Variants in KCTD5 observed in about 807,000 individuals in gnomAD.
KCTD5 encodes BTB/POZ domain-containing protein KCTD5.
A neutral mutation model predicts 27.9 loss-of-function variants in KCTD5; 12 were observed. The ratio of observed to expected loss-of-function variants is 0.43; its 90% CI spans 0.28 to 0.70. The LOEUF is 0.70. Ranked by LOEUF, KCTD5 falls within the 30% of genes least tolerant of loss-of-function variation. KCTD5 has a pLI of 0.19. For missense variants in KCTD5, 226 were observed against 274.8 expected, an observed-to-expected ratio of 0.82 and a Z score of 1.26; for synonymous variants, 147 against 121.4, an observed-to-expected ratio of 1.21 and a Z score of -1.39.
At chr16:2,705,640 T>C (rs1478673521) in intron 5 of KCTD5, among the ~76,000 whole-genome samples, 1 of 152,152 alleles carries the variant, frequency 6.6e-6, no homozygotes, top group African/African-American at 2.4e-5. Context: ...AGGCCAGCCG[T>C]GTCCTGCAAG....
chr16:2,685,904 G>A (rs1396709713), intron 1 of KCTD5: 1 of 152,188 alleles, frequency 6.6e-6, no homozygotes, highest in Non-Finnish European at 1.5e-5. Flanking sequence ...GGTCTGGAGA[G>A]GAGTTGGGTG....
At chr16:2,706,073 T>C (rs1444819683) in intron 5 of KCTD5, among the ~76,000 whole-genome samples, 5 of 152,178 alleles carry the variant, frequency 3.3e-5, no homozygotes, top group African/African-American at 1.2e-4. Context: ...AGGGACGTGC[T>C]GCCCCTCGCA....
At position 2,708,310 on chromosome 16, in the gene KCTD5, T is replaced by C. The variant is rs1049731818; in HGVS notation, c.*983T>C. On this transcript the variant is annotated 3_prime_UTR_variant, in exon 6 of 6. Coordinates refer to ENST00000301738, the MANE Select transcript of KCTD5 (RefSeq NM_018992.4). Reference sequence around the variant, plus strand: ...TTGTATAACTATGCAGCCTTCCCTCTCTTTCTGGGATGTTTGGGACTTCAC... The same window carrying C: ...TTGTATAACTATGCAGCCTTCCCTCCCTTTCTGGGATGTTTGGGACTTCAC... 26 of 152,690 alleles carry C rather than the reference T, an allele frequency of 1.7e-4. 1 individual carries two copies. The highest frequency in any genetic ancestry group is 6.5e-5 in the Admixed American group (1 of 15,288). The allele number at this position is 152,690 out of a possible 1,614,324, so 9.5% of individuals were successfully genotyped here. A position where few individuals can be genotyped will look rare whatever the true frequency, so the allele number is the denominator to read the frequency against.
At chr16:2,690,953 C>A (rs972087078) in intron 1 of KCTD5, among the ~76,000 whole-genome samples, 19 of 152,266 alleles carry the variant, frequency 1.2e-4, no homozygotes, top group African/African-American at 4.6e-4. Context: ...ACATCCCCAA[C>A]ACCAGCAGTG....
chr16:2,686,017 G>A (rs1337694316), intron 1 of KCTD5: 1 of 148,200 alleles, frequency 6.7e-6, no homozygotes, highest in Non-Finnish European at 1.5e-5. Flanking sequence ...GTAGGGAGGG[G>A]AGCTCTTGAC....
intron 1 of KCTD5, among the ~76,000 whole-genome samples, chr16:2,688,590 A>G (rs1313606931): frequency 1.4e-5 from 2 of 147,514 alleles, no homozygotes; most frequent in Non-Finnish European, 3.0e-5. Context: ...TCCCGCAGCC[A>G]CACTTAATTT....
intron 1 of KCTD5, among the ~76,000 whole-genome samples, chr16:2,691,779 C>T (rs1465393129): frequency 1.3e-5 from 2 of 152,298 alleles, no homozygotes; most frequent in East Asian, 1.9e-4. Flanking sequence ...CATCTGGACT[C>T]CTGGAAGTCT....
At chr16:2,691,288 G>A (rs1008780482) in intron 1 of KCTD5, among the ~76,000 whole-genome samples, 3 of 152,218 alleles carry the variant, frequency 2.0e-5, no homozygotes, top group African/African-American at 7.2e-5. Flanking sequence ...CTGACCTTCC[G>A]CTCTGCCCAG....
chr16:2,700,209 G>C (rs757168), intron 4 of KCTD5, among the ~76,000 whole-genome samples: 32,758 of 152,204 alleles, frequency 0.22, 4,677 homozygotes, highest in Non-Finnish European at 0.31. Context: ...CTCTGTGTGA[G>C]GGAGGGGACT....
Position 2,682,806 on chromosome 16 carries a change from G to T in KCTD5, c.252+6G>T, listed in dbSNP as rs2067524196. On this transcript the variant is annotated splice_donor_region_variant and intron_variant, in intron 1 of 5. Coordinates refer to ENST00000301738, the MANE Select transcript of KCTD5 (RefSeq NM_018992.4). Reference sequence around the variant, plus strand: ...CCGACCTGGACTCAGACAAGGTGAGGGCCTCACGGGCCAGCCCGGAGGGTC... The same window carrying T: ...CCGACCTGGACTCAGACAAGGTGAGTGCCTCACGGGCCAGCCCGGAGGGTC... 1 of 1,586,286 alleles carries T rather than the reference G, an allele frequency of 6.3e-7. No individual in the cohort carries two copies. The highest frequency in any genetic ancestry group is 8.6e-7 in the Non-Finnish European group (1 of 1,168,626).
intron 1 of KCTD5, chr16:2,683,047 G>T (rs1046968745): frequency 4.2e-6 from 2 of 471,278 alleles, no homozygotes; most frequent in Non-Finnish European, 7.4e-6. Flanking sequence ...CACCTTGGGG[G>T]TGTCTCTTCC....
At chr16:2,697,390 TTCC>T in intron 2 of KCTD5, 1 of 154,704 alleles carries the variant, frequency 6.5e-6, no homozygotes, top group Non-Finnish European at 1.4e-5. Context: ...AGCCACAGTC[TTCC>T]CTTTGAATGG....
chr16:2,690,698 G>T (rs1323796118), intron 1 of KCTD5, among the ~76,000 whole-genome samples: 1 of 152,214 alleles, frequency 6.6e-6, no homozygotes, highest in African/African-American at 2.4e-5. Flanking sequence ...GCGTGAGCGG[G>T]CCGGGGCATC....
At chr16:2,702,832 A>AG (rs2067618504) in intron 5 of KCTD5, among the ~76,000 whole-genome samples, 1 of 115,792 alleles carries the variant, frequency 8.6e-6, no homozygotes, top group Non-Finnish European at 1.9e-5. Flanking sequence ...TGGGATGCTG[A>AG]GGCCTGGCTG....
At chr16:2,704,932 G>T (rs1334832511) in intron 5 of KCTD5, among the ~76,000 whole-genome samples, 1 of 152,222 alleles carries the variant, frequency 6.6e-6, no homozygotes. Flanking sequence ...GACAGGACCA[G>T]CCCCGGATCG....
chr16:2,699,980 C>T, intron 4 of KCTD5, 64 bp downstream of exon 4: 2 of 1,443,248 alleles, frequency 1.4e-6, no homozygotes, highest in South Asian at 1.1e-5. Flanking sequence ...CACAATGGCT[C>T]AGGGCTCAGT....
intron 5 of KCTD5, among the ~76,000 whole-genome samples, chr16:2,703,778 A>G (rs577300463): frequency 6.6e-6 from 1 of 152,102 alleles, no homozygotes; most frequent in African/African-American, 2.4e-5. Flanking sequence ...GAGGCAGTGT[A>G]GGCTGGGGCA....
intron 1 of KCTD5, among the ~76,000 whole-genome samples, chr16:2,686,837 G>A (rs1296576806): frequency 1.3e-5 from 2 of 151,444 alleles, no homozygotes; most frequent in South Asian, 4.2e-4. Flanking sequence ...CTAGAGTACC[G>A]TCTTTGAAGC....
At chr16:2,691,863 C>T (rs1359071084) in intron 1 of KCTD5, among the ~76,000 whole-genome samples, 1 of 152,212 alleles carries the variant, frequency 6.6e-6, no homozygotes, top group African/African-American at 2.4e-5. Flanking sequence ...TCAGCCTCCC[C>T]TGCCTTTGAT....
Sources: allele counts gnomAD v4.1 joint callset (sites outside exome capture counted in the v4.1 genomes callset), GRCh38; gene constraint gnomAD v4.1.1; transcripts MANE v1.5; gene names NCBI Gene and HGNC (gene_info 2026-07-23, HGNC 2026-07-21).